SNTG1: variants seen among roughly 807,000 people sequenced by gnomAD.
SNTG1 encodes the protein syntrophin gamma 1.
A neutral mutation model predicts 74.7 loss-of-function variants in SNTG1; 39 were observed. The ratio of observed to expected loss-of-function variants is 0.52; its 90% CI spans 0.40 to 0.68. SNTG1 has a LOEUF of 0.68. Ranked by LOEUF, SNTG1 falls within the 30% of genes least tolerant of loss-of-function variation. The pLI is 0.00. For missense variants in SNTG1, 685 were observed against 609.5 expected, an observed-to-expected ratio of 1.12 and a Z score of -1.30; for synonymous variants, 254 against 217.1, an observed-to-expected ratio of 1.17 and a Z score of -1.49.
rs890926952 is a variant in SNTG1, at chr8:50,438,353, T to C, written c.163-190T>C. Among the ~76,000 whole-genome samples the C allele has an allele frequency of 2.0e-5, 3 of 152,196 alleles. No individual in the cohort carries two copies. The South Asian group carries it at 6.2e-4, about 31-fold the overall frequency. The stretch of plus-strand genomic sequence containing the variant: ...CTTCAGTCCCTGTTATTTTAACAAG[T>C]AACCCTTTGATTTAAAAGTCAAAGA... On this transcript the variant is annotated intron_variant, in intron 4 of 18. Transcript: ENST00000642720.
intron 1 of SNTG1, among the ~76,000 whole-genome samples, chr8:49,959,068 G>A (rs1011806315): frequency 2.0e-5 from 3 of 151,916 alleles, no homozygotes; most frequent in Admixed American, 6.6e-5. Flanking sequence ...GAATTTTTTT[G>A]TTTGCTTCAT....
intron 2 of SNTG1, among the ~76,000 whole-genome samples, chr8:50,188,363 G>A (rs556374925): frequency 4.5e-4 from 69 of 152,176 alleles, no homozygotes; most frequent in African/African-American, 1.5e-3. Context: ...ACTCATCCAC[G>A]TTCTGCCCAC....
chr8:50,459,665 C>T lies in SNTG1; in HGVS notation c.363+8936C>T, dbSNP rs975167421. On this transcript the variant is annotated intron_variant, in intron 8 of 18. Coordinates refer to ENST00000642720, the MANE Select transcript of SNTG1 (RefSeq NM_018967.5). ...TTACTCAACAATAAGTTGTTCAGAC[C>T]TTGTACCCCTCCTTCCCTCCTGCCT... 3.3e-5 allele frequency among the ~76,000 whole-genome samples: 5 copies of T among 152,186 alleles called. No individual in the cohort carries two copies. The South Asian group carries it at 1.0e-3, about 32-fold the overall frequency.
At chr8:50,735,077 A>C (rs571368081) in intron 17 of SNTG1, among the ~76,000 whole-genome samples, 2 of 151,122 alleles carry the variant, frequency 1.3e-5, no homozygotes, top group African/African-American at 2.4e-5. Context: ...CCACTGTATA[A>C]TCATTACTAC....
In SNTG1 at chr8:50,668,495, C is replaced by CATTATT. The variant is rs67860057; in HGVS notation, c.1038+9869_1038+9874dup. ...ATACCTATGTTCTTCATCTTTCGCACATTATTATTATTATTATTATTATTA... is the reference window on the plus strand; with the variant it reads ...ATACCTATGTTCTTCATCTTTCGCACATTATTATTATTATTATTATTATTATTATTA... On this transcript the variant is annotated intron_variant, in intron 15 of 18. Coordinates refer to ENST00000642720, the MANE Select transcript of SNTG1 (RefSeq NM_018967.5). Among the ~76,000 whole-genome samples the CATTATT allele has an allele frequency of 4.5e-3, 654 of 145,280 alleles. 2 individuals carry two copies. Among genetic ancestry groups the CATTATT allele is most frequent in the South Asian group, 9.5e-3 (43 of 4,528 alleles).
chr8:50,210,380 C>T (rs2084460145), intron 2 of SNTG1, among the ~76,000 whole-genome samples: 2 of 152,122 alleles, frequency 1.3e-5, no homozygotes, highest in South Asian at 4.1e-4. Context: ...ACAGAGAACT[C>T]CACAAAGATA....
chr8:50,647,957 AG>A (rs1377705343), intron 13 of SNTG1, among the ~76,000 whole-genome samples: 5 of 152,094 alleles, frequency 3.3e-5, no homozygotes, highest in Non-Finnish European at 7.4e-5. Context: ...TGATACTCAT[AG>A]GAAGAATGTA....
chr8:49,946,814 A>G (rs1809232118), intron 1 of SNTG1, among the ~76,000 whole-genome samples: 1 of 152,238 alleles, frequency 6.6e-6, no homozygotes, highest in Admixed American at 6.5e-5. Flanking sequence ...GAAATAATTA[A>G]TAGGACATGT....
chr8:50,300,540 T>A (rs563489605), intron 2 of SNTG1, among the ~76,000 whole-genome samples: 1 of 152,278 alleles, frequency 6.6e-6, no homozygotes, highest in East Asian at 1.9e-4. Flanking sequence ...ATTCTTCTAA[T>A]AAATTTCAAT....
intron 2 of SNTG1, among the ~76,000 whole-genome samples, chr8:50,234,208 A>G (rs549679846): frequency 1.3e-5 from 2 of 152,142 alleles, no homozygotes; most frequent in South Asian, 4.1e-4. Flanking sequence ...ATCATGATAT[A>G]CTTTCATCAG....
At chr8:50,331,265 CT>C (rs997574541) in intron 2 of SNTG1, among the ~76,000 whole-genome samples, 2 of 152,042 alleles carry the variant, frequency 1.3e-5, no homozygotes, top group African/African-American at 4.8e-5. Context: ...AGCAGCACAC[CT>C]TGTGGGGCTG....
At chr8:50,081,404 C>T (rs995079354) in intron 1 of SNTG1, among the ~76,000 whole-genome samples, 2 of 151,364 alleles carry the variant, frequency 1.3e-5, no homozygotes, top group Non-Finnish European at 3.0e-5. Flanking sequence ...ATCTCTTTGT[C>T]TTTATTCCGT....
chr8:50,440,767 A>G lies in SNTG1; in HGVS notation c.219+2168A>G, dbSNP rs144289314. ...ACCTTTATGGTCTTGACTTAAGATGACAGAAGGAAGATGGTATGTTAGACA... is the reference window on the plus strand; with the variant it reads ...ACCTTTATGGTCTTGACTTAAGATGGCAGAAGGAAGATGGTATGTTAGACA... On this transcript the variant is annotated intron_variant, in intron 5 of 18. Transcript: ENST00000642720. Among the ~76,000 whole-genome samples, 526 of 152,348 alleles carry G rather than the reference A, an allele frequency of 3.5e-3. 3 individuals are homozygous for G. Among genetic ancestry groups the G allele is most frequent in the African/African-American group, 0.012 (506 of 41,564 alleles).
At position 50,048,045 on chromosome 8, in the gene SNTG1, A is replaced by C. The variant is rs542273570; in HGVS notation, c.-102-124516A>C. On this transcript the variant is annotated intron_variant, in intron 1 of 18. Transcript: ENST00000642720. ...AGAACCTGGCACAAATAAAACAATT[A>C]ATAAATCATCCTTGCAGGTGTAATA... 4.6e-5 allele frequency among the ~76,000 whole-genome samples: 7 copies of C among 152,312 alleles called. No homozygotes were observed. The East Asian group carries it at 1.4e-3, about 29-fold the overall frequency.
chr8:49,933,696 C>A (rs1359966568), intron 1 of SNTG1, among the ~76,000 whole-genome samples: 2 of 152,092 alleles, frequency 1.3e-5, no homozygotes, highest in African/African-American at 4.8e-5. Flanking sequence ...CAATTTTATT[C>A]CATTGATGTT....
At chr8:50,624,543 A>G (rs2094944515) in intron 13 of SNTG1, among the ~76,000 whole-genome samples, 1 of 152,090 alleles carries the variant, frequency 6.6e-6, no homozygotes, top group Non-Finnish European at 1.5e-5. Context: ...AATTCCAGCT[A>G]AGAAAGTTAC....
At chr8:50,411,319 G>A (rs534961427) in intron 4 of SNTG1, among the ~76,000 whole-genome samples, 2 of 151,888 alleles carry the variant, frequency 1.3e-5, no homozygotes, top group African/African-American at 4.8e-5. Flanking sequence ...ATGGTGGCGG[G>A]CGCCTGTAGT....
chr8:50,774,257 A>T (rs1311158819), intron 18 of SNTG1, among the ~76,000 whole-genome samples: 1 of 151,986 alleles, frequency 6.6e-6, no homozygotes, highest in African/African-American at 2.4e-5. Flanking sequence ...TAATATACAT[A>T]TTTGAAGAGC....
At chr8:50,711,187 T>A (rs571581490) in intron 17 of SNTG1, among the ~76,000 whole-genome samples, 1 of 152,320 alleles carries the variant, frequency 6.6e-6, no homozygotes, top group South Asian at 2.1e-4. Flanking sequence ...AGGTAATTGT[T>A]ACATACAAAT....
Sources: gnomAD v4.1 joint callset for allele counts (sites outside exome capture counted in the v4.1 genomes callset) on GRCh38, gnomAD v4.1.1 for gene constraint, MANE v1.5 for transcripts, NCBI Gene and HGNC (gene_info 2026-07-23, HGNC 2026-07-21) for gene names.